The following ADAMTS18 variants were observed in gnomAD, a reference collection of about 807,000 sequenced individuals.
ADAMTS18 encodes A disintegrin and metalloproteinase with thrombospondin motifs 18.
A neutral mutation model predicts 165.9 loss-of-function variants in ADAMTS18; 157 were observed. The ratio of observed to expected loss-of-function variants is 0.95; its 90% CI spans 0.83 to 1.08. ADAMTS18 has a LOEUF of 1.08. Ranked by LOEUF, ADAMTS18 falls within the 50% of genes least tolerant of loss-of-function variation. ADAMTS18 has a pLI of 0.00. For missense variants in ADAMTS18, 2,040 were observed against 1,534.0 expected (o/e 1.33, Z -5.51); for synonymous variants, 782 against 578.2 (o/e 1.35, Z -5.06).
chr16:77,354,392 AAAT>A (rs2056598779), intron 9 of ADAMTS18, among the ~76,000 whole-genome samples: 1 of 152,206 alleles, frequency 6.6e-6, no homozygotes, highest in Non-Finnish European at 1.5e-5. Flanking sequence ...AGACAAAAAT[AAAT>A]AACATTCCTA....
intron 9 of ADAMTS18, among the ~76,000 whole-genome samples, chr16:77,354,248 A>G (rs1461698096): frequency 6.6e-6 from 1 of 152,236 alleles, no homozygotes; most frequent in African/African-American, 2.4e-5. Flanking sequence ...CCTTAGACAA[A>G]GCACTAAAGG....
At chr16:77,315,855 A>G (rs1037565470) in intron 16 of ADAMTS18, among the ~76,000 whole-genome samples, 9 of 152,200 alleles carry the variant, frequency 5.9e-5, no homozygotes, top group Non-Finnish European at 1.3e-4. Context: ...TGCATTTTAA[A>G]CACACACTCA....
intron 16 of ADAMTS18, among the ~76,000 whole-genome samples, chr16:77,311,793 T>C (rs1238229983): frequency 1.3e-5 from 2 of 151,316 alleles, no homozygotes; most frequent in East Asian, 2.0e-4. Context: ...CAATTAATCA[T>C]ACAAGTTTCC....
At position 77,430,108 on chromosome 16, in the gene ADAMTS18, C is replaced by T. The variant is rs79365646; in HGVS notation, c.495+1187G>A. ...GGAATAGACAGAAGAAAGAGAAATA[C>T]AAAGGGGATGCTAAGTAAAGAGAAG... On this transcript the variant is annotated intron_variant, in intron 3 of 22. Coordinates refer to ENST00000282849, the MANE Select transcript of ADAMTS18 (RefSeq NM_199355.4). Among the ~76,000 whole-genome samples, 82 of 152,006 alleles carry T rather than the reference C, an allele frequency of 5.4e-4. 2 individuals are homozygous for T. In the East Asian group the frequency reaches 0.015, roughly 28 times the overall value.
intron 12 of ADAMTS18, among the ~76,000 whole-genome samples, chr16:77,330,734 C>T (rs900418496): frequency 6.6e-6 from 1 of 152,076 alleles, no homozygotes; most frequent in Non-Finnish European, 1.5e-5. Flanking sequence ...CAAAAAAAAA[C>T]TGGTAAATCT....
chr16:77,407,534 A>G (rs1006402111), intron 3 of ADAMTS18, among the ~76,000 whole-genome samples: 2 of 152,142 alleles, frequency 1.3e-5, no homozygotes, highest in African/African-American at 4.8e-5. Context: ...ATACTCCTAA[A>G]TACGTGTAAG....
chr16:77,286,727 GT>G (rs2055259149), intron 22 of ADAMTS18, among the ~76,000 whole-genome samples: 1 of 152,108 alleles, frequency 6.6e-6, no homozygotes, highest in South Asian at 2.1e-4. Context: ...TTAGTATTGA[GT>G]GCCTGCTCAT....
chr16:77,344,686 C>T (rs1412935468), intron 10 of ADAMTS18, among the ~76,000 whole-genome samples: 5 of 151,618 alleles, frequency 3.3e-5, no homozygotes, highest in African/African-American at 1.2e-4. Context: ...TAGCCAATGC[C>T]AAGCCACAGA....
At chr16:77,369,474 G>A (rs1221157632) in intron 3 of ADAMTS18, among the ~76,000 whole-genome samples, 4 of 152,108 alleles carry the variant, frequency 2.6e-5, no homozygotes, top group East Asian at 1.9e-4. Context: ...GGTGGTTAAC[G>A]CCAATGAATT....
intron 18 of ADAMTS18, among the ~76,000 whole-genome samples, chr16:77,296,415 T>C (rs35924034): frequency 0.11 from 16,401 of 152,240 alleles, 1,218 homozygotes; most frequent in Admixed American, 0.22. Flanking sequence ...CATAATATTA[T>C]GATTTTTAAA....
intron 16 of ADAMTS18, among the ~76,000 whole-genome samples, chr16:77,302,906 G>A (rs2055611948): frequency 6.6e-6 from 1 of 152,144 alleles, no homozygotes; most frequent in South Asian, 2.1e-4. Context: ...GAAAAAGACT[G>A]TGATGATAAA....
chr16:77,424,909 C>G (rs767783097), intron 3 of ADAMTS18, among the ~76,000 whole-genome samples: 2 of 152,164 alleles, frequency 1.3e-5, no homozygotes, highest in African/African-American at 4.8e-5. Flanking sequence ...TCCAAAGCAG[C>G]TGAGCCTAGT....
chr16:77,282,133 G>A lies in ADAMTS18; in HGVS notation c.*1823C>T, dbSNP rs1474778210. ...TTCAAGAACTTAACAAGCTGTCAAAGATAAAGAAATGGAATACTTTATTAT... is the reference window on the plus strand; with the variant it reads ...TTCAAGAACTTAACAAGCTGTCAAAAATAAAGAAATGGAATACTTTATTAT... On this transcript the variant is annotated 3_prime_UTR_variant, in exon 23 of 23. Transcript: ENST00000282849. 1 of 151,904 alleles carries A rather than the reference G, an allele frequency of 6.6e-6. No individual in the cohort carries two copies. The highest frequency in any genetic ancestry group is 1.9e-4 in the East Asian group (1 of 5,184). 9.4% of individuals were successfully genotyped at this position (151,904 alleles called of 1,614,324 possible).
At chr16:77,400,896 C>T (rs895651354) in intron 3 of ADAMTS18, among the ~76,000 whole-genome samples, 3 of 151,856 alleles carry the variant, frequency 2.0e-5, no homozygotes, top group African/African-American at 4.9e-5. Context: ...CTCACTTCTG[C>T]TTCCTGGGAT....
rs1186435888 is a variant in ADAMTS18 at position 77,434,654 on chromosome 16, C to A, written c.42G>T (p.Ala14=). ...ALLLACAFPA[A]GSGPPRGLAG... ...CCAGGCCCCTCGGCGGGCCCGAACC[C>A]GCAGCCGGGAAGGCACACGCGAGCA... The change falls in exon 1 of 23, where the codon GCG becomes GCT. Residue 14 remains alanine (A), a synonymous_variant. Transcript: ENST00000282849. The A allele has an allele frequency of 7.4e-6, 11 of 1,479,910 alleles. No individual in the cohort carries two copies. The highest frequency in any genetic ancestry group is 2.9e-5 in the African/African-American group (2 of 68,246). 91.7% of individuals were successfully genotyped at this position (1,479,910 alleles called of 1,614,324 possible). A position where few individuals can be genotyped will look rare whatever the true frequency, so the allele number is the denominator to read the frequency against.
chr16:77,366,885 C>T (rs191256169), intron 4 of ADAMTS18, among the ~76,000 whole-genome samples: 60 of 152,184 alleles, frequency 3.9e-4, no homozygotes, highest in African/African-American at 1.3e-3. Flanking sequence ...AATTCATTTA[C>T]CCTTTTTTTT....
At chr16:77,364,904 G>C (rs1197976148) in intron 4 of ADAMTS18, among the ~76,000 whole-genome samples, 2 of 152,016 alleles carry the variant, frequency 1.3e-5, no homozygotes, top group Non-Finnish European at 2.9e-5. Flanking sequence ...TCAGGAGTTT[G>C]ACACCAGCCT....
intron 3 of ADAMTS18, 143 bp from the exon 4 acceptor site, chr16:77,367,866 G>A (rs2056821849): frequency 2.2e-6 from 2 of 929,718 alleles, no homozygotes; most frequent in Non-Finnish European, 3.4e-6. Context: ...ATTTTTATCT[G>A]CACCATTACA....
At chr16:77,312,560 A>G (rs1240545345) in intron 16 of ADAMTS18, among the ~76,000 whole-genome samples, 3 of 152,170 alleles carry the variant, frequency 2.0e-5, no homozygotes, top group Non-Finnish European at 4.4e-5. Context: ...ACTTCTAACT[A>G]TCAGGAAAAA....
Sources: allele counts gnomAD v4.1 joint callset (sites outside exome capture counted in the v4.1 genomes callset), GRCh38; gene constraint gnomAD v4.1.1; transcripts MANE v1.5; gene names NCBI Gene and HGNC (gene_info 2026-07-23, HGNC 2026-07-21).